TMCC1: variants seen among roughly 807,000 people sequenced by gnomAD.
TMCC1 encodes transmembrane and coiled-coil domains protein 1.
A neutral mutation model predicts 52.4 loss-of-function variants in TMCC1; 15 were observed. The ratio of observed to expected loss-of-function variants is 0.29; its 90% CI spans 0.19 to 0.44. The LOEUF is 0.44. TMCC1 is among the 20% of genes least tolerant of loss of function. The probability of loss-of-function intolerance (pLI) is 1.00; values close to 1 mark genes in which losing one functional copy is unlikely to be tolerated. For synonymous variants in TMCC1, 279 were observed against 301.9 expected (o/e 0.92, Z 0.79); for missense variants, 503 against 806.0 (o/e 0.62, Z 4.55).
intron 1 of TMCC1, among the ~76,000 whole-genome samples, chr3:129,885,426 AAC>A (rs1365342955): frequency 1.3e-5 from 2 of 151,726 alleles, no homozygotes; most frequent in African/African-American, 4.8e-5. Flanking sequence ...TCTCTACAAA[AAC>A]ACAAAAATTA....
chr3:129,812,855 A>T (rs1576948095), intron 4 of TMCC1, among the ~76,000 whole-genome samples: 1 of 152,188 alleles, frequency 6.6e-6, no homozygotes. Flanking sequence ...CTTCTGCACA[A>T]CAGAAGAAAC....
rs547210293 is a variant in TMCC1 at position 129,849,106 on chromosome 3, C to A, written c.-183-16280G>T. 9.9e-4 allele frequency among the ~76,000 whole-genome samples: 151 copies of A among 152,324 alleles called. 1 individual carries two copies. The highest frequency in any genetic ancestry group is 1.2e-3 in the Admixed American group (19 of 15,302). On this transcript the variant is annotated intron_variant, in intron 2 of 6. Coordinates refer to ENST00000393238, the MANE Select transcript of TMCC1 (RefSeq NM_001017395.5). Reference sequence around the variant, plus strand: ...TACTACTATTAAACATGTACCACATCATGATCATAAATTTAACAGAGCAAG... The same window carrying A: ...TACTACTATTAAACATGTACCACATAATGATCATAAATTTAACAGAGCAAG...
intron 2 of TMCC1, among the ~76,000 whole-genome samples, chr3:129,857,718 A>G (rs1315318332): frequency 1.3e-4 from 16 of 126,592 alleles, no homozygotes. Context: ...CCCGCCACTA[A>G]GCCTGGCTAA....
intron 4 of TMCC1, among the ~76,000 whole-genome samples, chr3:129,683,740 T>C (rs1238704524): frequency 1.3e-5 from 2 of 151,234 alleles, no homozygotes; most frequent in African/African-American, 4.8e-5. Flanking sequence ...CCCACCACCA[T>C]CCATCCTCCT....
At chr3:129,844,133 A>G (rs1178266063) in intron 2 of TMCC1, among the ~76,000 whole-genome samples, 1 of 152,202 alleles carries the variant, frequency 6.6e-6, no homozygotes, top group Admixed American at 6.5e-5. Flanking sequence ...ATGTGATCAT[A>G]ACAAAAAACG....
chr3:129,688,853 T>G (rs1194697817), intron 4 of TMCC1: 1 of 533,666 alleles, frequency 1.9e-6, no homozygotes, highest in Non-Finnish European at 2.4e-6. Context: ...TACAGGGTAT[T>G]AATTCAACAT....
chr3:129,718,334 T>C (rs573191846), intron 4 of TMCC1, among the ~76,000 whole-genome samples: 1 of 152,338 alleles, frequency 6.6e-6, no homozygotes, highest in South Asian at 2.1e-4. Flanking sequence ...CCACCTCCAG[T>C]TGCTAGCAGT....
chr3:129,790,899 T>G lies in TMCC1; in HGVS notation c.576+36904A>C, dbSNP rs114681476. ...CTCTGGCCAACGAAAACAAATTTAA[T>G]TATGGGAAATATTTTATCAAGTTTG... On this transcript the variant is annotated intron_variant, in intron 4 of 6. Transcript: ENST00000393238. 4.5e-3 allele frequency among the ~76,000 whole-genome samples: 692 copies of G among 152,272 alleles called. 8 individuals are homozygous for G. The highest frequency in any genetic ancestry group is 0.016 in the African/African-American group (658 of 41,562).
At chr3:129,868,999 C>T (rs2060789873) in intron 2 of TMCC1, 1 of 152,036 alleles carries the variant, frequency 6.6e-6, no homozygotes, top group Admixed American at 6.6e-5. Flanking sequence ...TTAGGTTTTC[C>T]TCAATAACAG....
intron 2 of TMCC1, among the ~76,000 whole-genome samples, chr3:129,835,641 A>T (rs963704431): frequency 2.6e-5 from 4 of 152,326 alleles, no homozygotes; most frequent in African/African-American, 2.4e-5. Flanking sequence ...ATATGTTTTT[A>T]AAAAGTGTAT....
intron 5 of TMCC1, among the ~76,000 whole-genome samples, chr3:129,659,241 T>G (rs2086868545): frequency 6.6e-6 from 1 of 151,642 alleles, no homozygotes; most frequent in Non-Finnish European, 1.5e-5. Flanking sequence ...CTGGGACTAC[T>G]GACATGCACC....
At chr3:129,663,329 G>C (rs2087188199) in intron 5 of TMCC1, among the ~76,000 whole-genome samples, 2 of 152,188 alleles carry the variant, frequency 1.3e-5, no homozygotes, top group Admixed American at 1.3e-4. Flanking sequence ...GAGAGAAACA[G>C]GAAGAACTAG....
At chr3:129,857,843 G>A (rs1182774495) in intron 2 of TMCC1, among the ~76,000 whole-genome samples, 3 of 152,186 alleles carry the variant, frequency 2.0e-5, no homozygotes, top group Non-Finnish European at 4.4e-5. Flanking sequence ...GATTACAGGC[G>A]TGAGCCACTG....
intron 4 of TMCC1, among the ~76,000 whole-genome samples, chr3:129,694,129 C>A (rs978718928): frequency 6.6e-6 from 1 of 152,142 alleles, no homozygotes; most frequent in Non-Finnish European, 1.5e-5. Context: ...ATTAATTCAC[C>A]CAAATTTATA....
rs1399247419 is a variant in TMCC1, at chr3:129,688,612, T to C, written c.577-17348A>G. On this transcript the variant is annotated intron_variant, in intron 4 of 6. Transcript: ENST00000393238. ...TCAATTCTATCTCCTGTAGCAACTC[T>C]TAGAGCTTTCTATATCTGGGAGCCT... The C allele has an allele frequency of 3.0e-6, 3 of 985,366 alleles. No homozygotes were observed. The African/African-American group carries it at 5.2e-5, about 17-fold the overall frequency. The allele number at this position is 985,366 out of a possible 1,614,324, so 61.0% of individuals were successfully genotyped here.
chr3:129,765,987 A>G (rs1158629804), intron 4 of TMCC1, among the ~76,000 whole-genome samples: 1 of 152,116 alleles, frequency 6.6e-6, no homozygotes, highest in Non-Finnish European at 1.5e-5. Context: ...TCTGATTTGG[A>G]TATACTCGAA....
chr3:129,865,817 G>A (rs541865911), intron 2 of TMCC1, among the ~76,000 whole-genome samples: 2 of 152,192 alleles, frequency 1.3e-5, no homozygotes, highest in Non-Finnish European at 2.9e-5. Context: ...AGTAAAACTA[G>A]AGGAGGTATA....
At chr3:129,738,980 C>T (rs2051223778) in intron 4 of TMCC1, among the ~76,000 whole-genome samples, 1 of 152,024 alleles carries the variant, frequency 6.6e-6, no homozygotes, top group African/African-American at 2.4e-5. Context: ...CCACGCCCAG[C>T]TAATTTTTGT....
rs61106930 is a variant in TMCC1 at position 129,842,477 on chromosome 3, A to AACAC, written c.-183-9655_-183-9652dup. ...CGAGACTTTGTCTAAAAAAAAACAA[A>AACAC]ACACACACACACACACACACACACA... On this transcript the variant is annotated intron_variant, in intron 2 of 6. Transcript: ENST00000393238. 8.1e-3 allele frequency among the ~76,000 whole-genome samples: 1,204 copies of AACAC among 147,730 alleles called. 9 individuals are homozygous for AACAC. Among genetic ancestry groups the AACAC allele is most frequent in the Admixed American group, 0.014 (213 of 14,834 alleles).
Sources: allele counts gnomAD v4.1 joint callset (sites outside exome capture counted in the v4.1 genomes callset), GRCh38; gene constraint gnomAD v4.1.1; transcripts MANE v1.5; gene names NCBI Gene and HGNC (gene_info 2026-07-23, HGNC 2026-07-21).